Variants in SMYD3 observed in about 807,000 individuals in gnomAD.
SMYD3 encodes the protein SET and MYND domain containing 3, also known as histone-lysine N-methyltransferase SMYD3.
In SMYD3, 36 loss-of-function variants were observed where a neutral mutation model predicts 57.7. The ratio of observed to expected loss-of-function variants is 0.62; its 90% CI spans 0.48 to 0.82. The LOEUF is 0.82. SMYD3 is among the 40% of genes least tolerant of loss of function. SMYD3 has a pLI of 0.00. For missense variants in SMYD3, 515 were observed against 538.8 expected (o/e 0.96, Z 0.44); for synonymous variants, 211 against 195.0 (o/e 1.08, Z -0.68).
intron 5 of SMYD3, among the ~76,000 whole-genome samples, chr1:245,944,141 G>A (rs2057356278): frequency 6.6e-6 from 1 of 152,106 alleles, no homozygotes; most frequent in Non-Finnish European, 1.5e-5. Context: ...TCTGACCAGG[G>A]CAATCAGGCA....
intron 10 of SMYD3, among the ~76,000 whole-genome samples, chr1:245,811,399 C>T (rs2048463224): frequency 6.6e-6 from 1 of 152,170 alleles, no homozygotes; most frequent in South Asian, 2.1e-4. Flanking sequence ...AGACAGATTC[C>T]ATTAACTATC....
intron 5 of SMYD3, among the ~76,000 whole-genome samples, chr1:246,103,976 A>AC (rs1391991665): frequency 6.6e-6 from 1 of 152,034 alleles, no homozygotes; most frequent in African/African-American, 2.4e-5. Flanking sequence ...CTTCTATAAA[A>AC]CCTTTCAACC....
At chr1:246,104,647 A>G (rs554638494) in intron 5 of SMYD3, among the ~76,000 whole-genome samples, 2 of 152,322 alleles carry the variant, frequency 1.3e-5, no homozygotes, top group African/African-American at 4.8e-5. Flanking sequence ...GGGGGGAAAA[A>G]TAACACAAGC....
intron 1 of SMYD3, among the ~76,000 whole-genome samples, chr1:246,469,409 G>A (rs977424611): frequency 1.3e-5 from 2 of 152,180 alleles, no homozygotes; most frequent in Admixed American, 1.3e-4. Flanking sequence ...AGGCTGAGAA[G>A]GCAAAGTACA....
At chr1:246,301,570 AT>A (rs771000697) in intron 5 of SMYD3, among the ~76,000 whole-genome samples, 1 of 152,178 alleles carries the variant, frequency 6.6e-6, no homozygotes, top group Non-Finnish European at 1.5e-5. Flanking sequence ...GCATGCACAC[AT>A]TTTATACTGT....
chr1:246,284,651 C>T (rs12092802), intron 5 of SMYD3, among the ~76,000 whole-genome samples: 6,052 of 152,084 alleles, frequency 0.04, 406 homozygotes, highest in African/African-American at 0.14. Context: ...CTCCTGACCT[C>T]GTGATCCGCC....
intron 5 of SMYD3, among the ~76,000 whole-genome samples, chr1:245,945,380 G>A (rs2057398676): frequency 6.6e-6 from 1 of 152,130 alleles, no homozygotes; most frequent in South Asian, 2.1e-4. Flanking sequence ...ATGAAAAAAA[G>A]CTCAACATCA....
intron 2 of SMYD3, among the ~76,000 whole-genome samples, chr1:246,336,278 T>C (rs1328661593): frequency 6.6e-6 from 1 of 152,312 alleles, no homozygotes; most frequent in African/African-American, 2.4e-5. Flanking sequence ...ATCACTTTCA[T>C]ATGGAAATAA....
At chr1:246,007,814 C>T (rs2059203256) in intron 5 of SMYD3, among the ~76,000 whole-genome samples, 3 of 138,816 alleles carry the variant, frequency 2.2e-5, no homozygotes, top group African/African-American at 7.8e-5. Context: ...CAGACCCTGA[C>T]CAAAAAAAAA....
intron 1 of SMYD3, among the ~76,000 whole-genome samples, chr1:246,401,531 C>T (rs1290978773): frequency 2.6e-5 from 4 of 151,932 alleles, no homozygotes; most frequent in African/African-American, 7.3e-5. Context: ...TAGGGTTTCA[C>T]CATGTTGGCG....
intron 5 of SMYD3, among the ~76,000 whole-genome samples, chr1:246,089,096 A>T (rs1171148981): frequency 2.6e-5 from 4 of 151,484 alleles, no homozygotes; most frequent in African/African-American, 9.7e-5. Flanking sequence ...TCCTACCTCA[A>T]CCTCCCAAGT....
intron 5 of SMYD3, among the ~76,000 whole-genome samples, chr1:246,161,763 G>A (rs561298338): frequency 1.9e-4 from 29 of 152,238 alleles, no homozygotes; most frequent in African/African-American, 6.7e-4. Context: ...ATGACAGGCA[G>A]GAACATGTCT....
intron 8 of SMYD3, among the ~76,000 whole-genome samples, chr1:245,880,767 T>C (rs2052738223): frequency 6.6e-6 from 1 of 152,236 alleles, no homozygotes; most frequent in East Asian, 1.9e-4. Context: ...ACTTGAAGAC[T>C]GGTAGGTGGG....
chr1:246,165,772 ATC>A (rs1006797620), intron 5 of SMYD3, among the ~76,000 whole-genome samples: 1 of 152,152 alleles, frequency 6.6e-6, no homozygotes, highest in Non-Finnish European at 1.5e-5. Context: ...AGATATATAT[ATC>A]TGTTATATAG....
At chr1:245,797,824 G>T (rs2047608542) in intron 10 of SMYD3, among the ~76,000 whole-genome samples, 3 of 73,242 alleles carry the variant, frequency 4.1e-5, no homozygotes, top group African/African-American at 8.4e-5. Context: ...TTGCTTCCGG[G>T]TTCCAAAAAA....
chr1:245,768,890 G>A (rs1405532054), intron 10 of SMYD3, among the ~76,000 whole-genome samples: 5 of 150,822 alleles, frequency 3.3e-5, no homozygotes, highest in African/African-American at 1.2e-4. Flanking sequence ...CCGGAACTGT[G>A]AGAAAAAAAA....
chr1:246,067,608 C>CCCCAAAG, intron 5 of SMYD3, among the ~76,000 whole-genome samples: 2 of 152,236 alleles, frequency 1.3e-5, no homozygotes, highest in Middle Eastern at 6.8e-3. Flanking sequence ...ACTAATGCCC[C>CCCCAAAG]CCCACAGCCC....
chr1:246,006,520 G>C (rs1165415486), intron 5 of SMYD3, among the ~76,000 whole-genome samples: 1 of 152,116 alleles, frequency 6.6e-6, no homozygotes, highest in African/African-American at 2.4e-5. Context: ...CAAAGTTAGG[G>C]GGAAAGCTGG....
chr1:246,006,753 C>T (rs1377319712), intron 5 of SMYD3, among the ~76,000 whole-genome samples: 1 of 151,994 alleles, frequency 6.6e-6, no homozygotes, highest in African/African-American at 2.4e-5. Flanking sequence ...TGAGCTGTCT[C>T]GGAAGGAGCC....
Sources: allele counts gnomAD v4.1 joint callset (sites outside exome capture counted in the v4.1 genomes callset), GRCh38; gene constraint gnomAD v4.1.1; transcripts MANE v1.5; gene names NCBI Gene and HGNC (gene_info 2026-07-23, HGNC 2026-07-21).